The following DGKB variants were observed in gnomAD, a reference collection of about 807,000 sequenced individuals.
DGKB encodes diacylglycerol kinase beta.
A neutral mutation model predicts 114.3 loss-of-function variants in DGKB; 67 were observed. That is an observed-to-expected ratio of 0.59 (90% confidence interval 0.48 to 0.72). The LOEUF (loss-of-function observed/expected upper bound fraction) is 0.72, where lower values mean the gene tolerates loss of function less well. Among genes scored for constraint, DGKB ranks in the 30% least tolerant of loss-of-function variants. The pLI is 0.00. For missense variants in DGKB, 907 were observed against 975.2 expected, an observed-to-expected ratio of 0.93 and a Z score of 0.93; for synonymous variants, 398 against 323.1, an observed-to-expected ratio of 1.23 and a Z score of -2.49.
At chr7:14,339,208 TAAAA>T (rs35265569) in intron 22 of DGKB, among the ~76,000 whole-genome samples, 2 of 142,162 alleles carry the variant, frequency 1.4e-5, no homozygotes, top group East Asian at 4.1e-4. Context: ...AGACTTTTGC[TAAAA>T]AAAAAAAAAG....
intron 1 of DGKB, among the ~76,000 whole-genome samples, chr7:14,858,740 G>A (rs1850540691): frequency 6.6e-6 from 1 of 152,168 alleles, no homozygotes; most frequent in African/African-American, 2.4e-5. Context: ...ATGAGTAGGA[G>A]CTTTAGGTAA....
At chr7:14,683,240 GT>G (rs1563899604) in intron 10 of DGKB, among the ~76,000 whole-genome samples, 1 of 152,116 alleles carries the variant, frequency 6.6e-6, no homozygotes, top group Non-Finnish European at 1.5e-5. Flanking sequence ...CAGCTGGCGG[GT>G]ATGGGAATAA....
At chr7:14,172,648 G>C (rs1229675086) in intron 25 of DGKB, among the ~76,000 whole-genome samples, 1 of 152,068 alleles carries the variant, frequency 6.6e-6, no homozygotes, top group African/African-American at 2.4e-5. Flanking sequence ...GGGAAGGAGA[G>C]ATATGGGGAG....
chr7:14,509,297 C>T (rs1787607723), intron 20 of DGKB, among the ~76,000 whole-genome samples: 1 of 151,948 alleles, frequency 6.6e-6, no homozygotes, highest in South Asian at 2.1e-4. Context: ...GTGTGAGACA[C>T]CCATGGGGAG....
At chr7:14,274,482 T>G (rs1015465533) in intron 23 of DGKB, among the ~76,000 whole-genome samples, 2 of 152,104 alleles carry the variant, frequency 1.3e-5, no homozygotes, top group African/African-American at 4.8e-5. Context: ...TTATATTATC[T>G]TTATCACTTG....
At chr7:14,629,099 G>C (rs1044784659) in intron 14 of DGKB, among the ~76,000 whole-genome samples, 1 of 151,876 alleles carries the variant, frequency 6.6e-6, no homozygotes, top group African/African-American at 2.4e-5. Flanking sequence ...GATTGGGCTG[G>C]TAATCGGGGC....
At chr7:14,852,857 C>T (rs1387595714) in intron 1 of DGKB, among the ~76,000 whole-genome samples, 1 of 152,024 alleles carries the variant, frequency 6.6e-6, no homozygotes, top group African/African-American at 2.4e-5. Flanking sequence ...AAAACAGAAA[C>T]TTACCAAAAA....
chr7:14,889,289 G>A (rs1780803469), intron 1 of DGKB, among the ~76,000 whole-genome samples: 1 of 151,684 alleles, frequency 6.6e-6, no homozygotes, highest in Non-Finnish European at 1.5e-5. Context: ...CATGTAGAGG[G>A]AGCAATCCTC....
At chr7:14,152,534 A>C (rs1782373948) in intron 25 of DGKB, among the ~76,000 whole-genome samples, 1 of 152,012 alleles carries the variant, frequency 6.6e-6, no homozygotes. Context: ...TCTCCTTATC[A>C]TGTACCCTTC....
intron 1 of DGKB, among the ~76,000 whole-genome samples, chr7:14,927,708 A>C (rs1181779658): frequency 6.6e-6 from 1 of 151,950 alleles, no homozygotes; most frequent in East Asian, 1.9e-4. Context: ...TTAAGCTACA[A>C]TATCTATGTT....
At chr7:14,463,688 G>C (rs1241497654) in intron 21 of DGKB, among the ~76,000 whole-genome samples, 1 of 152,160 alleles carries the variant, frequency 6.6e-6, no homozygotes, top group African/African-American at 2.4e-5. Flanking sequence ...TATTTATCTA[G>C]ACAGAATGTT....
chr7:14,318,435 T>A (rs972660176), intron 23 of DGKB, among the ~76,000 whole-genome samples: 6 of 151,952 alleles, frequency 3.9e-5, no homozygotes, highest in Non-Finnish European at 8.8e-5. Flanking sequence ...CAAACAAATT[T>A]ACAAGAAAAA....
chr7:14,367,909 C>T (rs1431107256), intron 21 of DGKB, among the ~76,000 whole-genome samples: 3 of 151,966 alleles, frequency 2.0e-5, no homozygotes, highest in Admixed American at 6.6e-5. Context: ...ATCCATTCAC[C>T]GCCCACCAGG....
rs73276050 is a variant in DGKB, at chr7:14,778,842, C to T, written c.71-21111G>A. On this transcript the variant is annotated intron_variant, in intron 2 of 25. Coordinates refer to ENST00000402815, the MANE Select transcript of DGKB (RefSeq NM_001350709.2). ...GAAAATATTTCTTTTTATTTTTATG[C>T]CAATTGCTTAAATTAATCAAAATAA... 9.5e-3 allele frequency among the ~76,000 whole-genome samples: 1,450 copies of T among 152,168 alleles called. 22 individuals carry two copies. The highest frequency in any genetic ancestry group is 0.033 in the African/African-American group (1,358 of 41,498).
At chr7:14,819,868 C>A (rs532688083) in intron 2 of DGKB, among the ~76,000 whole-genome samples, 2 of 152,070 alleles carry the variant, frequency 1.3e-5, no homozygotes, top group African/African-American at 4.8e-5. Context: ...ATAGAAGGGT[C>A]AAATAAATGG....
At chr7:14,971,761 C>T (rs1787483132) in intron 1 of DGKB, among the ~76,000 whole-genome samples, 1 of 138,510 alleles carries the variant, frequency 7.2e-6, no homozygotes, top group Non-Finnish European at 1.5e-5. Context: ...ATATTGAAAG[C>T]ATTTTTTTTT....
intron 25 of DGKB, 59 bp from the exon 26 acceptor site, chr7:14,149,297 A>C: frequency 7.8e-7 from 1 of 1,284,848 alleles, no homozygotes; most frequent in Non-Finnish European, 1.1e-6. Context: ...GATAGATACA[A>C]TACCAATTTG....
chr7:14,340,205 C>A (rs1212423210), intron 22 of DGKB, among the ~76,000 whole-genome samples: 1 of 120,752 alleles, frequency 8.3e-6, no homozygotes, highest in African/African-American at 3.0e-5. Flanking sequence ...CTTTTTTCCT[C>A]CTTTTCTGGT....
intron 20 of DGKB, among the ~76,000 whole-genome samples, chr7:14,533,745 G>C (rs898659292): frequency 1.3e-5 from 2 of 151,908 alleles, no homozygotes; most frequent in African/African-American, 2.4e-5. Flanking sequence ...AAATGTTTCA[G>C]TCCAGGAGCG....
Sources: gnomAD v4.1 joint callset for allele counts (sites outside exome capture counted in the v4.1 genomes callset) on GRCh38, gnomAD v4.1.1 for gene constraint, MANE v1.5 for transcripts, NCBI Gene and HGNC (gene_info 2026-07-23, HGNC 2026-07-21) for gene names.